NCOA1: variants seen among roughly 807,000 people sequenced by gnomAD.
NCOA1 encodes Hin-2 protein.
A neutral mutation model predicts 150.9 loss-of-function variants in NCOA1; 35 were observed. The ratio of observed to expected loss-of-function variants is 0.23; its 90% CI spans 0.18 to 0.31. NCOA1 has a LOEUF of 0.31. Ranked by LOEUF, NCOA1 falls within the 10% of genes least tolerant of loss-of-function variation. NCOA1 has a pLI of 1.00. For missense variants in NCOA1, 1,491 were observed against 1,749.3 expected, an observed-to-expected ratio of 0.85 and a Z score of 2.63; for synonymous variants, 590 against 630.0, an observed-to-expected ratio of 0.94 and a Z score of 0.95.
At chr2:24,754,745 T>C (rs56380713) in intron 20 of NCOA1, among the ~76,000 whole-genome samples, 11,341 of 152,290 alleles carry the variant, frequency 0.074, 513 homozygotes, top group African/African-American at 0.12. Context: ...AATATGAGCA[T>C]CATAAGAGCA....
At position 24,730,434 on chromosome 2, in the gene NCOA1, A is replaced by G. The variant is rs17046496; in HGVS notation, c.3201+619A>G. ...AACTATTTAAGGGGAACATCATACAATTATTAAATTAAGAGAAACAGCTTA... is the reference window on the plus strand; with the variant it reads ...AACTATTTAAGGGGAACATCATACAGTTATTAAATTAAGAGAAACAGCTTA... On this transcript the variant is annotated intron_variant, in intron 17 of 22. Coordinates refer to ENST00000348332, the MANE Select transcript of NCOA1 (RefSeq NM_003743.5). Among the ~76,000 whole-genome samples the G allele has an allele frequency of 8.9e-3, 1,361 of 152,346 alleles. 29 individuals carry two copies. Among genetic ancestry groups the G allele is most frequent in the African/African-American group, 0.031 (1,293 of 41,578 alleles).
chr2:24,650,519 T>C (rs1670665015), intron 4 of NCOA1, among the ~76,000 whole-genome samples: 1 of 152,132 alleles, frequency 6.6e-6, no homozygotes, highest in South Asian at 2.1e-4. Flanking sequence ...CTGTAAGTCA[T>C]ATATCTGATA....
chr2:24,672,756 T>A (rs1671742920), intron 6 of NCOA1, among the ~76,000 whole-genome samples: 4 of 152,134 alleles, frequency 2.6e-5, no homozygotes, highest in Admixed American at 2.6e-4. Context: ...AATACCATAT[T>A]TGGCTTTTGG....
chr2:24,623,631 G>A (rs1248767689), intron 3 of NCOA1, among the ~76,000 whole-genome samples: 3 of 152,164 alleles, frequency 2.0e-5, no homozygotes, highest in African/African-American at 7.2e-5. Flanking sequence ...CCACAGACTG[G>A]GTGGTTTAAA....
Position 24,523,605 on chromosome 2 carries a change from CAAAAAAAA to C in NCOA1, c.-396+32021_-396+32028del, listed in dbSNP as rs979559677. Among the ~76,000 whole-genome samples the C allele has an allele frequency of 2.3e-3, 41 of 17,706 alleles. 1 individual carries two copies. Among genetic ancestry groups the C allele is most frequent in the East Asian group, 0.019 (10 of 524 alleles). 11.6% of individuals were successfully genotyped at this position (17,706 alleles called of 152,430 possible). On this transcript the variant is annotated intron_variant, in intron 1 of 22. Coordinates refer to ENST00000348332, the MANE Select transcript of NCOA1 (RefSeq NM_003743.5). Reference sequence around the variant, plus strand: ...TGGGAGACAGAGTGAGACTCCGTCTCAAAAAAAAAAAAAAAAAAAAAAAAAGAAACTGG... The same window carrying C: ...TGGGAGACAGAGTGAGACTCCGTCTCAAAAAAAAAAAAAAAAAGAAACTGG...
At chr2:24,542,521 TATAACA>T (rs1456421183) in intron 1 of NCOA1, among the ~76,000 whole-genome samples, 1 of 152,204 alleles carries the variant, frequency 6.6e-6, no homozygotes, top group Non-Finnish European at 1.5e-5. Flanking sequence ...GGATATAAAA[TATAACA>T]ATAATTTTTG....
At chr2:24,500,374 C>T (rs1391009369) in intron 1 of NCOA1, among the ~76,000 whole-genome samples, 1 of 152,170 alleles carries the variant, frequency 6.6e-6, no homozygotes, top group African/African-American at 2.4e-5. Flanking sequence ...TCCCAAAGTG[C>T]TGGGATTACA....
chr2:24,741,419 T>C (rs1415235511), intron 18 of NCOA1, among the ~76,000 whole-genome samples: 1 of 152,222 alleles, frequency 6.6e-6, no homozygotes, highest in Non-Finnish European at 1.5e-5. Flanking sequence ...CACTTCCTTA[T>C]GGTCTTCATG....
chr2:24,573,714 A>G (rs1666831492), intron 2 of NCOA1, among the ~76,000 whole-genome samples: 1 of 152,154 alleles, frequency 6.6e-6, no homozygotes, highest in Non-Finnish European at 1.5e-5. Flanking sequence ...GAAACTACAT[A>G]TGTCCATTCT....
chr2:24,530,811 A>G (rs1410375717), intron 1 of NCOA1, among the ~76,000 whole-genome samples: 1 of 152,216 alleles, frequency 6.6e-6, no homozygotes, highest in Non-Finnish European at 1.5e-5. Context: ...AGATGAAAAT[A>G]TATTTATGAA....
chr2:24,537,516 GTA>G (rs935273831), intron 1 of NCOA1, among the ~76,000 whole-genome samples: 1 of 150,660 alleles, frequency 6.6e-6, no homozygotes, highest in Non-Finnish European at 1.5e-5. Context: ...CTCTCTCTCT[GTA>G]TATATATAAA....
intron 7 of NCOA1, among the ~76,000 whole-genome samples, chr2:24,678,645 T>C (rs1309365255): frequency 1.3e-5 from 2 of 152,342 alleles, no homozygotes; most frequent in African/African-American, 4.8e-5. Context: ...ATCAGTGATG[T>C]TGAGCTTTTG....
At chr2:24,551,140 C>CT (rs1487711610) in intron 1 of NCOA1, among the ~76,000 whole-genome samples, 3 of 147,714 alleles carry the variant, frequency 2.0e-5, no homozygotes, top group South Asian at 4.3e-4. Context: ...TTGTGGTTGT[C>CT]TTTTTTTGTA....
chr2:24,537,502 C>T (rs1033160665), intron 1 of NCOA1, among the ~76,000 whole-genome samples: 4 of 151,474 alleles, frequency 2.6e-5, no homozygotes, highest in Non-Finnish European at 5.9e-5. Context: ...GTGTGTGTCT[C>T]TCTCTCTCTC....
At chr2:24,552,096 GTTC>G (rs1030259316) in intron 1 of NCOA1, among the ~76,000 whole-genome samples, 1 of 151,552 alleles carries the variant, frequency 6.6e-6, no homozygotes, top group Non-Finnish European at 1.5e-5. Context: ...TTCCAACTTT[GTTC>G]TTCTTTTTGA....
chr2:24,606,280 A>G (rs1668360305), intron 3 of NCOA1, among the ~76,000 whole-genome samples: 1 of 152,052 alleles, frequency 6.6e-6, no homozygotes, highest in African/African-American at 2.4e-5. Flanking sequence ...TCCGTTGCCA[A>G]GGCTGGAGTG....
At chr2:24,615,228 G>A (rs1668822084) in intron 3 of NCOA1, among the ~76,000 whole-genome samples, 1 of 152,150 alleles carries the variant, frequency 6.6e-6, no homozygotes, top group Non-Finnish European at 1.5e-5. Flanking sequence ...TGTAGGTATT[G>A]AGGAAGCAGA....
chr2:24,666,956 A>G (rs765931121), intron 6 of NCOA1, among the ~76,000 whole-genome samples: 8 of 152,150 alleles, frequency 5.3e-5, no homozygotes, highest in East Asian at 1.9e-4. Flanking sequence ...TGAAGAAACA[A>G]TCCCACAAGC....
intron 1 of NCOA1, among the ~76,000 whole-genome samples, chr2:24,550,868 G>A (rs1665798912): frequency 6.6e-6 from 1 of 152,172 alleles, no homozygotes. Context: ...CAGCACTTTG[G>A]GAGGCCAAGG....
Sources: allele counts gnomAD v4.1 joint callset (sites outside exome capture counted in the v4.1 genomes callset), GRCh38; gene constraint gnomAD v4.1.1; transcripts MANE v1.5; gene names NCBI Gene and HGNC (gene_info 2026-07-23, HGNC 2026-07-21).